DLG1: variants seen among roughly 807,000 people sequenced by gnomAD.
The protein encoded by DLG1 is discs large MAGUK scaffold protein 1.
DLG1 carries 42 observed loss-of-function variants against 123.4 expected under a neutral mutation model. The ratio of observed to expected loss-of-function variants is 0.34; its 90% confidence interval spans 0.27 to 0.44. The LOEUF (loss-of-function observed/expected upper bound fraction) is 0.44, where lower values mean the gene tolerates loss of function less well. Ranked by LOEUF, DLG1 falls within the 20% of genes least tolerant of loss-of-function variation. The probability of loss-of-function intolerance (pLI) is 1.00; values close to 1 mark genes in which losing one functional copy is unlikely to be tolerated. For missense variants in DLG1, 942 were observed against 1,082.6 expected (o/e 0.87, Z 1.82); for synonymous variants, 317 against 356.2 (o/e 0.89, Z 1.24).
chr3:197,213,595 T>C (rs990956924), intron 4 of DLG1, among the ~76,000 whole-genome samples: 10 of 152,174 alleles, frequency 6.6e-5, no homozygotes, highest in Admixed American at 1.3e-4. Context: ...AAATAGTACA[T>C]ATTTGTAAAT....
At chr3:197,193,835 T>G (rs1190463243) in intron 5 of DLG1, among the ~76,000 whole-genome samples, 1 of 152,068 alleles carries the variant, frequency 6.6e-6, no homozygotes, top group Non-Finnish European at 1.5e-5. Flanking sequence ...TTTTTTTTTT[T>G]TTTGAAATGG....
At chr3:197,280,064 T>C (rs1768462372) in intron 4 of DLG1, among the ~76,000 whole-genome samples, 1 of 152,190 alleles carries the variant, frequency 6.6e-6, no homozygotes, top group Non-Finnish European at 1.5e-5. Context: ...CACCCTACTG[T>C]GCTACTGAAC....
chr3:197,065,200 C>T (rs1738730303), intron 22 of DLG1, 76 bp downstream of exon 22: 2 of 1,357,978 alleles, frequency 1.5e-6, no homozygotes, highest in Admixed American at 5.3e-5. Context: ...AGTGCTGTAT[C>T]TATCCTACCA....
At chr3:197,069,296 T>C (rs1414873562) in intron 18 of DLG1, 36 bp from the exon 19 acceptor site, 7 of 1,464,850 alleles carry the variant, frequency 4.8e-6, no homozygotes, top group Non-Finnish European at 5.6e-6. Context: ...AATAAAACAG[T>C]GTCATGAGTT....
intron 4 of DLG1, among the ~76,000 whole-genome samples, chr3:197,269,755 T>C (rs1560090691): frequency 6.6e-6 from 1 of 152,228 alleles, no homozygotes; most frequent in Non-Finnish European, 1.5e-5. Flanking sequence ...AATGAATTCA[T>C]GCTCCTCTAA....
intron 16 of DLG1, among the ~76,000 whole-genome samples, chr3:197,084,446 C>T (rs906080301): frequency 1.3e-5 from 2 of 150,638 alleles, no homozygotes; most frequent in Non-Finnish European, 1.5e-5. Context: ...CAAGTAGCTG[C>T]GATTACAGGC....
At chr3:197,247,883 C>T (rs1453975187) in intron 4 of DLG1, among the ~76,000 whole-genome samples, 1 of 152,114 alleles carries the variant, frequency 6.6e-6, no homozygotes, top group Non-Finnish European at 1.5e-5. Context: ...GGCTTAACCC[C>T]ACTTACTGGA....
At chr3:197,119,323 TA>T in intron 12 of DLG1, 86 bp downstream of exon 12, 2 of 1,225,628 alleles carry the variant, frequency 1.6e-6, no homozygotes, top group Non-Finnish European at 2.2e-6. Context: ...TTTTTAGTCC[TA>T]AAAATTGTGG....
intron 16 of DLG1, among the ~76,000 whole-genome samples, chr3:197,082,238 C>T (rs564152611): frequency 2.0e-5 from 3 of 152,094 alleles, no homozygotes; most frequent in East Asian, 1.9e-4. Flanking sequence ...GGCGCAGTGG[C>T]GGGTGCCTGT....
intron 5 of DLG1, among the ~76,000 whole-genome samples, chr3:197,169,744 C>T (rs1398963646): frequency 6.6e-6 from 1 of 152,104 alleles, no homozygotes; most frequent in Non-Finnish European, 1.5e-5. Flanking sequence ...CAAAGATTCA[C>T]TACTGTATCT....
intron 14 of DLG1, among the ~76,000 whole-genome samples, chr3:197,095,395 T>C (rs1401470862): frequency 2.6e-5 from 4 of 152,138 alleles, no homozygotes; most frequent in Non-Finnish European, 5.9e-5. Context: ...TTTTAGATCT[T>C]TGAGTCACAG....
In DLG1 at chr3:197,282,816, G is replaced by C; in HGVS notation, c.181C>G (p.Leu61Val). ...DIQEFYEVTL[L>V]DNPKCIDRSK... ...CGATCTATACATTTTGGATTATCCA[G>C]TAAGGTCACTTCATAAAATTCTTGA... The change falls in exon 4 of 25, where the codon CTG (leucine) becomes GTG (valine). Residue 61 changes from leucine to valine, a missense_variant. Leu to Val is a conservative substitution (Grantham distance 32). Coordinates refer to ENST00000667157, the MANE Select transcript of DLG1 (RefSeq NM_001366207.1). 6.3e-7 allele frequency: 1 copy of C among 1,588,408 alleles called. No homozygotes were observed. Among genetic ancestry groups the C allele is most frequent in the African/African-American group, 1.4e-5 (1 of 73,956 alleles).
chr3:197,217,676 A>T (rs1055905528), intron 4 of DLG1, among the ~76,000 whole-genome samples: 4 of 152,226 alleles, frequency 2.6e-5, no homozygotes, highest in Admixed American at 6.5e-5. Flanking sequence ...AGCCAGACTT[A>T]AAAATAGAAC....
chr3:197,260,216 C>T (rs147284605), intron 4 of DLG1: 1 of 409,876 alleles, frequency 2.4e-6, no homozygotes, highest in Admixed American at 2.9e-5. Flanking sequence ...TCTCTCACAT[C>T]TGTCACTAAC....
chr3:197,056,697 A>G (rs940893534), intron 23 of DLG1, among the ~76,000 whole-genome samples: 2 of 152,196 alleles, frequency 1.3e-5, no homozygotes, highest in African/African-American at 4.8e-5. Flanking sequence ...CAGATGAGCA[A>G]TATTAGAAAA....
rs1409558013 is a variant in DLG1, at chr3:197,282,706, C to T, written c.291G>A (p.Leu97=). Residue 97 remains leucine (L), a synonymous_variant, in exon 4 of 25, where the codon CTG becomes CTA. Transcript: ENST00000667157. ...LPSSTVTSET[L]PSSLSPSVEK... ...CTACACTAGGGCTAAGGCTGCTTGG[C>T]AGTGTCTCTGAAGTCACAGTAGAGC... 1.2e-6 allele frequency: 2 copies of T among 1,605,622 alleles called. No homozygotes were observed. The highest frequency in any genetic ancestry group is 2.2e-5 in the East Asian group (1 of 44,626).
chr3:197,268,143 T>C (rs1434961619), intron 4 of DLG1, among the ~76,000 whole-genome samples: 1 of 152,192 alleles, frequency 6.6e-6, no homozygotes, highest in East Asian at 1.9e-4. Context: ...GAGATATCAC[T>C]GCTCTAATAC....
intron 4 of DLG1, among the ~76,000 whole-genome samples, chr3:197,197,294 T>C (rs1723046897): frequency 6.6e-6 from 1 of 152,236 alleles, no homozygotes; most frequent in Non-Finnish European, 1.5e-5. Context: ...AGAAAGCATA[T>C]AATACCTGTC....
In DLG1 at chr3:197,282,844, A is replaced by G; in HGVS notation, c.153T>C (p.Asp51=). Residue 51 remains aspartate, a splice_region_variant and synonymous_variant, in exon 4 of 25, where the codon GAT becomes GAC. Coordinates refer to ENST00000667157, the MANE Select transcript of DLG1 (RefSeq NM_001366207.1). ...FQSNLFQALI[D]IQEFYEVTLL... is the part of the protein sequence containing the mutation. ...AGGTCACTTCATAAAATTCTTGAAT[A>G]TCTAGAAGAAGGAAAATAAAAATTC... 1 of 1,498,852 alleles carries G rather than the reference A, an allele frequency of 6.7e-7. No homozygotes were observed. The highest frequency in any genetic ancestry group is 9.1e-7 in the Non-Finnish European group (1 of 1,101,036). The allele number at this position is 1,498,852 out of a possible 1,614,324, so 92.8% of individuals were successfully genotyped here.
Sources: gnomAD v4.1 joint callset for allele counts (sites outside exome capture counted in the v4.1 genomes callset) on GRCh38, gnomAD v4.1.1 for gene constraint, MANE v1.5 for transcripts, NCBI Gene and HGNC (gene_info 2026-07-23, HGNC 2026-07-21) for gene names.